KSR2: variants seen among roughly 807,000 people sequenced by gnomAD.
The protein encoded by KSR2 is kinase suppressor of ras 2.
In KSR2, 25 loss-of-function variants were observed where a neutral mutation model predicts 107.8. The observed-to-expected ratio is 0.23, with a 90% confidence interval of 0.17 to 0.32. The LOEUF (loss-of-function observed/expected upper bound fraction) is 0.32, where lower values mean the gene tolerates loss of function less well. Ranked by LOEUF, KSR2 falls within the 10% of genes least tolerant of loss-of-function variation. The pLI is 1.00. For synonymous variants in KSR2, 480 were observed against 507.0 expected (o/e 0.95, Z 0.71); for missense variants, 887 against 1,268.9 (o/e 0.70, Z 4.57).
At chr12:117,510,278 C>G (rs564562022) in intron 14 of KSR2, among the ~76,000 whole-genome samples, 9 of 152,196 alleles carry the variant, frequency 5.9e-5, no homozygotes, top group African/African-American at 2.2e-4. Flanking sequence ...ATTATTATTA[C>G]TACGTGATTT....
At chr12:117,763,843 G>A (rs763112726) in intron 3 of KSR2, among the ~76,000 whole-genome samples, 14 of 152,256 alleles carry the variant, frequency 9.2e-5, no homozygotes, top group Non-Finnish European at 2.1e-4. Context: ...GCTCTGGTTT[G>A]GGTGGTGGCA....
chr12:117,694,270 G>A (rs1885956654), intron 4 of KSR2, among the ~76,000 whole-genome samples: 1 of 152,168 alleles, frequency 6.6e-6, no homozygotes, highest in Admixed American at 6.5e-5. Flanking sequence ...ACTGAATCAT[G>A]GGGGACGTTT....
At chr12:117,695,718 C>CA (rs772747653) in intron 4 of KSR2, among the ~76,000 whole-genome samples, 5,589 of 68,168 alleles carry the variant, frequency 0.082, 271 homozygotes, top group African/African-American at 0.21. Context: ...CTCAAACAAA[C>CA]AAAAAAAAAA....
intron 1 of KSR2, among the ~76,000 whole-genome samples, chr12:117,927,348 C>A (rs1373294981): frequency 2.0e-5 from 3 of 151,334 alleles, no homozygotes; most frequent in Non-Finnish European, 4.4e-5. Flanking sequence ...TGCACTCCAG[C>A]CTGGGCGACA....
At chr12:117,742,296 C>T (rs865984423) in intron 4 of KSR2, among the ~76,000 whole-genome samples, 2 of 152,192 alleles carry the variant, frequency 1.3e-5, no homozygotes, top group African/African-American at 4.8e-5. Flanking sequence ...ATTGGGACAA[C>T]TGAAATCTAA....
intron 1 of KSR2, chr12:117,890,850 GAA>G (rs904791566): frequency 6.6e-6 from 1 of 152,170 alleles, no homozygotes; most frequent in African/African-American, 2.4e-5. Flanking sequence ...CAGCAGAAGG[GAA>G]AAAGAAGTCT....
chr12:117,508,578 G>A (rs1187058477), intron 14 of KSR2, among the ~76,000 whole-genome samples: 1 of 152,092 alleles, frequency 6.6e-6, no homozygotes, highest in Non-Finnish European at 1.5e-5. Flanking sequence ...GTGTTGAACA[G>A]ATAGATGGAT....
At chr12:117,611,445 G>GACACACACACACACACACACACACAC (rs6144887) in intron 5 of KSR2, among the ~76,000 whole-genome samples, 7,771 of 144,420 alleles carry the variant, frequency 0.054, 313 homozygotes, top group East Asian at 0.14. Context: ...TGCACGCACA[G>GACACACACACACACACACACACACAC]ACACACACAC....
At chr12:117,470,504 G>T (rs1443710396) in intron 18 of KSR2, among the ~76,000 whole-genome samples, 1 of 152,130 alleles carries the variant, frequency 6.6e-6, no homozygotes, top group Non-Finnish European at 1.5e-5. Context: ...ATACACTGAG[G>T]TCAACAATAC....
At chr12:117,628,476 G>C (rs964210550) in intron 5 of KSR2, among the ~76,000 whole-genome samples, 5 of 152,132 alleles carry the variant, frequency 3.3e-5, no homozygotes, top group Admixed American at 3.3e-4. Context: ...AGGTCTGTTG[G>C]AGTTTGCTAG....
At chr12:117,833,681 TA>T in intron 3 of KSR2, among the ~76,000 whole-genome samples, 1 of 152,266 alleles carries the variant, frequency 6.6e-6, no homozygotes, top group South Asian at 2.1e-4. Flanking sequence ...GGGTGCATTT[TA>T]AATCCTCTTT....
intron 5 of KSR2, among the ~76,000 whole-genome samples, chr12:117,653,083 C>G (rs1243469955): frequency 6.6e-6 from 1 of 152,190 alleles, no homozygotes; most frequent in Admixed American, 6.5e-5. Flanking sequence ...TTAGTGCCAC[C>G]AACAAGGACA....
intron 4 of KSR2, among the ~76,000 whole-genome samples, chr12:117,700,905 T>G (rs1403773817): frequency 1.3e-5 from 2 of 152,152 alleles, no homozygotes; most frequent in East Asian, 3.9e-4. Context: ...GAACTCCCAT[T>G]GTATTTCCTA....
chr12:117,890,594 A>G (rs1346094104), intron 1 of KSR2, among the ~76,000 whole-genome samples: 1 of 152,266 alleles, frequency 6.6e-6, no homozygotes, highest in Non-Finnish European at 1.5e-5. Context: ...TTTTCATAGA[A>G]GAACCATATT....
intron 14 of KSR2, among the ~76,000 whole-genome samples, chr12:117,488,937 G>T (rs1394049919): frequency 6.6e-6 from 1 of 152,042 alleles, no homozygotes; most frequent in African/African-American, 2.4e-5. Context: ...CAGAAAAGTG[G>T]ATAAAATATG....
intron 4 of KSR2, among the ~76,000 whole-genome samples, chr12:117,712,613 T>C (rs1209194455): frequency 6.6e-6 from 1 of 152,188 alleles, no homozygotes; most frequent in Non-Finnish European, 1.5e-5. Context: ...GTAAAATGCA[T>C]TTAAAAGGCT....
intron 4 of KSR2, among the ~76,000 whole-genome samples, chr12:117,751,849 CTTAG>C (rs1211181014): frequency 6.6e-6 from 1 of 152,138 alleles, no homozygotes; most frequent in Non-Finnish European, 1.5e-5. Flanking sequence ...TGTCTGAATG[CTTAG>C]TTAGCCTAAA....
intron 7 of KSR2, among the ~76,000 whole-genome samples, chr12:117,569,925 AG>A (rs2036875320): frequency 6.6e-6 from 1 of 152,118 alleles, no homozygotes; most frequent in Admixed American, 6.5e-5. Flanking sequence ...TGCACACCAT[AG>A]CCCCATGGCG....
At chr12:117,960,058 T>C (rs897145941) in intron 1 of KSR2, among the ~76,000 whole-genome samples, 1 of 152,120 alleles carries the variant, frequency 6.6e-6, no homozygotes, top group Non-Finnish European at 1.5e-5. Flanking sequence ...CCAACCACAG[T>C]GGACTCCTTG....
Sources: allele counts gnomAD v4.1 joint callset (sites outside exome capture counted in the v4.1 genomes callset), GRCh38; gene constraint gnomAD v4.1.1; transcripts MANE v1.5; gene names NCBI Gene and HGNC (gene_info 2026-07-23, HGNC 2026-07-21).